Variants in PSTPIP2 observed in about 807,000 individuals in gnomAD.
PSTPIP2 encodes the protein proline-serine-threonine phosphatase-interacting protein 2.
PSTPIP2 carries 33 observed loss-of-function variants against 63.3 expected under a neutral mutation model. That is an observed-to-expected ratio of 0.52 (90% confidence interval 0.40 to 0.70). The LOEUF (loss-of-function observed/expected upper bound fraction) is 0.70, where lower values mean the gene tolerates loss of function less well. Ranked by LOEUF, PSTPIP2 falls within the 30% of genes least tolerant of loss-of-function variation. The probability of loss-of-function intolerance (pLI) is 0.00; values close to 1 mark genes in which losing one functional copy is unlikely to be tolerated. For synonymous variants in PSTPIP2, 125 were observed against 132.7 expected (o/e 0.94, Z 0.40); for missense variants, 312 against 400.7 (o/e 0.78, Z 1.89).
In PSTPIP2 at chr18:46,006,358, T is replaced by C. The variant is rs1401005613; in HGVS notation, c.355-827A>G. 3.6e-4 allele frequency among the ~76,000 whole-genome samples: 28 copies of C among 77,574 alleles called. No individual in the cohort carries two copies. The Admixed American group carries it at 4.6e-3, about 13-fold the overall frequency. 50.9% of individuals were successfully genotyped at this position (77,574 alleles called of 152,430 possible). ...TATGAGCCACCATGCCCAGCCCTGG[T>C]ACTTTTTTTTTTTTTTTTTTTTTTT... On this transcript the variant is annotated intron_variant, in intron 5 of 14. Transcript: ENST00000409746.
chr18:46,056,334 T>C (rs1373831093), intron 1 of PSTPIP2, among the ~76,000 whole-genome samples: 1 of 152,224 alleles, frequency 6.6e-6, no homozygotes, highest in Non-Finnish European at 1.5e-5. Flanking sequence ...AAAGTACTCA[T>C]TGGTCCAAAA....
intron 14 of PSTPIP2, among the ~76,000 whole-genome samples, chr18:45,985,785 T>A (rs1397643350): frequency 6.6e-6 from 1 of 152,094 alleles, no homozygotes; most frequent in East Asian, 1.9e-4. Flanking sequence ...TTTAAATTTT[T>A]TTTTTTTTTG....
At chr18:46,020,185 G>C (rs1907292823) in intron 3 of PSTPIP2, among the ~76,000 whole-genome samples, 1 of 152,174 alleles carries the variant, frequency 6.6e-6, no homozygotes, top group Admixed American at 6.5e-5. Context: ...GGGAATGGTG[G>C]CGTAACAACA....
intron 1 of PSTPIP2, chr18:46,041,137 A>T (rs1475162199): frequency 2.2e-6 from 1 of 444,856 alleles, no homozygotes; most frequent in Non-Finnish European, 4.5e-6. Context: ...GCCAGGAACC[A>T]GGATTCAGGA....
At chr18:46,045,062 G>C (rs1170914968) in intron 1 of PSTPIP2, among the ~76,000 whole-genome samples, 1 of 152,184 alleles carries the variant, frequency 6.6e-6, no homozygotes, top group East Asian at 1.9e-4. Flanking sequence ...CTGTTGGTGG[G>C]ACTGTAAACT....
chr18:46,028,980 G>T (rs1334412430), intron 2 of PSTPIP2: 8 of 975,192 alleles, frequency 8.2e-6, no homozygotes, highest in Non-Finnish European at 1.3e-5. Context: ...CATCTGTGCA[G>T]TTCCGTCCTT....
At chr18:45,991,237 A>G (rs1269030933) in intron 12 of PSTPIP2, among the ~76,000 whole-genome samples, 1 of 152,214 alleles carries the variant, frequency 6.6e-6, no homozygotes, top group East Asian at 1.9e-4. Context: ...GTGAAAATTC[A>G]AAAGCTTAGA....
chr18:46,072,253 C>T lies in PSTPIP2; in HGVS notation c.-65G>A. On this transcript the variant is annotated 5_prime_UTR_variant, in exon 1 of 15. Transcript: ENST00000409746. ...GGTAGCACAGAGCGGGGAGGCCTGA[C>T]TGCCACTGCCCGCGGCTCCGCAGAC... 9.9e-6 allele frequency: 15 copies of T among 1,509,118 alleles called. No homozygotes were observed. The highest frequency in any genetic ancestry group is 1.2e-5 in the Non-Finnish European group (14 of 1,125,300). 93.5% of individuals were successfully genotyped at this position (1,509,118 alleles called of 1,614,324 possible). A position where few individuals can be genotyped will look rare whatever the true frequency, so the allele number is the denominator to read the frequency against.
intron 13 of PSTPIP2, among the ~76,000 whole-genome samples, chr18:45,990,446 T>C (rs1189139957): frequency 6.9e-6 from 1 of 144,072 alleles, no homozygotes; most frequent in Non-Finnish European, 1.5e-5. Flanking sequence ...GTTTGTTTGT[T>C]TGTTGACACA....
intron 3 of PSTPIP2, among the ~76,000 whole-genome samples, chr18:46,021,848 CAAAAAAAAA>C (rs59094808): frequency 3.0e-5 from 1 of 33,286 alleles, no homozygotes; most frequent in African/African-American, 8.9e-5. Flanking sequence ...GACTCTGTCT[CAAAAAAAAA>C]AAAAAAAAAA....
chr18:46,013,968 A>C (rs2144085467), intron 4 of PSTPIP2, among the ~76,000 whole-genome samples: 1 of 152,254 alleles, frequency 6.6e-6, no homozygotes, highest in Non-Finnish European at 1.5e-5. Flanking sequence ...TCCAAACAGG[A>C]GGGAACTACC....
At chr18:46,054,113 A>G (rs1568230627) in intron 1 of PSTPIP2, among the ~76,000 whole-genome samples, 1 of 152,238 alleles carries the variant, frequency 6.6e-6, no homozygotes, top group Non-Finnish European at 1.5e-5. Context: ...ACTGGTGAGT[A>G]TTATGTATCT....
At chr18:46,021,848 C>CAAAAAAAAAA (rs59094808) in intron 3 of PSTPIP2, among the ~76,000 whole-genome samples, 1 of 33,310 alleles carries the variant, frequency 3.0e-5, no homozygotes, top group African/African-American at 8.9e-5. Context: ...GACTCTGTCT[C>CAAAAAAAAAA]AAAAAAAAAA....
At chr18:46,003,834 G>A (rs893205762) in intron 6 of PSTPIP2, among the ~76,000 whole-genome samples, 2 of 147,368 alleles carry the variant, frequency 1.4e-5, no homozygotes, top group African/African-American at 5.0e-5. Context: ...TCGGCTCACC[G>A]CAACCTCCAC....
At chr18:46,058,032 T>C (rs961325033) in intron 1 of PSTPIP2, among the ~76,000 whole-genome samples, 1 of 150,836 alleles carries the variant, frequency 6.6e-6, no homozygotes, top group African/African-American at 2.4e-5. Flanking sequence ...CCCATAATCT[T>C]AAAAACCAGG....
intron 1 of PSTPIP2, 22 bp downstream of exon 1, chr18:46,072,134 C>G (rs746769539): frequency 2.0e-6 from 3 of 1,528,188 alleles, no homozygotes; most frequent in Non-Finnish European, 2.6e-6. Context: ...CCCCGCGATC[C>G]GCTGTCGGCC....
At chr18:45,993,400 T>C (rs2051560097) in intron 10 of PSTPIP2, among the ~76,000 whole-genome samples, 1 of 152,180 alleles carries the variant, frequency 6.6e-6, no homozygotes, top group Non-Finnish European at 1.5e-5. Context: ...CAGCCATGAA[T>C]CTCTTAATGA....
At chr18:46,041,659 C>T (rs1345813505) in intron 1 of PSTPIP2, among the ~76,000 whole-genome samples, 1 of 152,152 alleles carries the variant, frequency 6.6e-6, no homozygotes, top group East Asian at 1.9e-4. Flanking sequence ...AAAATCAAGC[C>T]AACAAGTCCC....
Position 46,018,620 on chromosome 18 carries a change from T to C in PSTPIP2, c.213-2683A>G, listed in dbSNP as rs112098343. ...CTGACCTCAAGTGAGCTGCCCGCCT[T>C]GGCCTCCCAAAGTGCTGGGATTTCA... On this transcript the variant is annotated intron_variant, in intron 3 of 14. Transcript: ENST00000409746. Among the ~76,000 whole-genome samples the C allele has an allele frequency of 5.3e-3, 812 of 152,254 alleles. 9 individuals are homozygous for C. The highest frequency in any genetic ancestry group is 0.012 in the African/African-American group (484 of 41,550).
Sources: gnomAD v4.1 joint callset for allele counts (sites outside exome capture counted in the v4.1 genomes callset) on GRCh38, gnomAD v4.1.1 for gene constraint, MANE v1.5 for transcripts, NCBI Gene and HGNC (gene_info 2026-07-23, HGNC 2026-07-21) for gene names.